Variants in STXBP5L observed in about 807,000 individuals in gnomAD.
STXBP5L encodes syntaxin-binding protein 5-like.
In STXBP5L, 65 loss-of-function variants were observed where a neutral mutation model predicts 144.5. The ratio of observed to expected loss-of-function variants is 0.45; its 90% confidence interval spans 0.37 to 0.55. The LOEUF (loss-of-function observed/expected upper bound fraction) is 0.55, where lower values mean the gene tolerates loss of function less well. Ranked by LOEUF, STXBP5L falls within the 20% of genes least tolerant of loss-of-function variation. The probability of loss-of-function intolerance (pLI) is 0.00; values close to 1 mark genes in which losing one functional copy is unlikely to be tolerated. For missense variants in STXBP5L, 1,298 were observed against 1,405.5 expected (o/e 0.92, Z 1.22); for synonymous variants, 505 against 469.6 (o/e 1.08, Z -0.97).
At chr3:121,130,208 G>A (rs1190697986) in intron 7 of STXBP5L, among the ~76,000 whole-genome samples, 1 of 152,026 alleles carries the variant, frequency 6.6e-6, no homozygotes, top group East Asian at 1.9e-4. Context: ...TAGATAAAAT[G>A]TTCTATTGGA....
At chr3:120,990,091 A>G (rs1211527176) in intron 3 of STXBP5L, among the ~76,000 whole-genome samples, 1 of 152,208 alleles carries the variant, frequency 6.6e-6, no homozygotes. Flanking sequence ...CCTTAAGCTG[A>G]TAGGCAACTT....
At chr3:121,131,063 T>C (rs921667739) in intron 7 of STXBP5L, among the ~76,000 whole-genome samples, 2 of 152,090 alleles carry the variant, frequency 1.3e-5, no homozygotes, top group African/African-American at 4.8e-5. Context: ...TTAGTTCTGA[T>C]TGTAAGCTAT....
chr3:121,352,925 A>G (rs986399165), intron 20 of STXBP5L, among the ~76,000 whole-genome samples: 11 of 152,134 alleles, frequency 7.2e-5, no homozygotes, highest in Admixed American at 3.3e-4. Flanking sequence ...CCTTTTCTGC[A>G]TCTATTGAGA....
intron 20 of STXBP5L, among the ~76,000 whole-genome samples, chr3:121,353,225 T>C (rs1426814261): frequency 6.6e-6 from 1 of 152,228 alleles, no homozygotes; most frequent in Non-Finnish European, 1.5e-5. Context: ...TCCCCTCTTT[T>C]TCTATTGATT....
intron 18 of STXBP5L, among the ~76,000 whole-genome samples, chr3:121,266,650 T>G (rs188269109): frequency 2.8e-4 from 43 of 152,190 alleles, no homozygotes; most frequent in African/African-American, 1.0e-3. Flanking sequence ...GAGAAAGAAA[T>G]AAAGGGTATT....
intron 10 of STXBP5L, among the ~76,000 whole-genome samples, chr3:121,208,241 C>T (rs995661996): frequency 6.6e-6 from 1 of 150,410 alleles, no homozygotes; most frequent in Admixed American, 6.7e-5. Flanking sequence ...GGGCAGAAAA[C>T]CAAACACCAC....
At chr3:120,950,954 G>A (rs977706416) in intron 2 of STXBP5L, among the ~76,000 whole-genome samples, 3 of 152,050 alleles carry the variant, frequency 2.0e-5, no homozygotes, top group African/African-American at 7.2e-5. Flanking sequence ...TACCAAAACA[G>A]ATATAGATCA....
intron 3 of STXBP5L, among the ~76,000 whole-genome samples, chr3:120,958,461 A>G (rs1938311729): frequency 6.6e-6 from 1 of 152,326 alleles, no homozygotes; most frequent in African/African-American, 2.4e-5. Flanking sequence ...ACAAAAAAAT[A>G]GAATTTTAGA....
intron 20 of STXBP5L, among the ~76,000 whole-genome samples, chr3:121,371,085 C>T (rs1189124469): frequency 6.6e-6 from 1 of 152,196 alleles, no homozygotes; most frequent in Non-Finnish European, 1.5e-5. Context: ...AAGACACTGG[C>T]TTTTTGAGTG....
At chr3:121,365,599 C>A (rs530232731) in intron 20 of STXBP5L, among the ~76,000 whole-genome samples, 1 of 151,572 alleles carries the variant, frequency 6.6e-6, no homozygotes, top group South Asian at 2.1e-4. Context: ...TTTTTATTTC[C>A]GTAGAATCAG....
intron 3 of STXBP5L, among the ~76,000 whole-genome samples, chr3:120,960,041 AC>A (rs1938572579): frequency 1.3e-5 from 2 of 152,164 alleles, no homozygotes; most frequent in South Asian, 4.1e-4. Context: ...TCTACAAAGA[AC>A]TCAAACAAAA....
chr3:121,160,031 C>G (rs891349100), intron 9 of STXBP5L, among the ~76,000 whole-genome samples: 1 of 152,096 alleles, frequency 6.6e-6, no homozygotes, highest in Admixed American at 6.5e-5. Flanking sequence ...TATTTCAATT[C>G]TTAGAGAAGC....
chr3:121,061,854 A>G lies in STXBP5L; in HGVS notation c.470+16319A>G, dbSNP rs536900681. On this transcript the variant is annotated intron_variant, in intron 5 of 26. Coordinates refer to ENST00000471454, the MANE Select transcript of STXBP5L (RefSeq NM_001308330.2). The stretch of plus-strand genomic sequence containing the variant: ...TCCTCCATCCCTTTATTTTGAGCCT[A>G]TGTGTGTCTTTGCACATGAGATGGG... Among the ~76,000 whole-genome samples the G allele has an allele frequency of 6.6e-4, 100 of 152,190 alleles. 1 individual carries two copies. The highest frequency in any genetic ancestry group is 2.2e-3 in the African/African-American group (93 of 41,510).
chr3:121,376,414 G>T lies in STXBP5L; in HGVS notation c.2177-2302G>T, dbSNP rs61796941. On this transcript the variant is annotated intron_variant, in intron 20 of 26. Coordinates refer to ENST00000471454, the MANE Select transcript of STXBP5L (RefSeq NM_001308330.2). ...CATCTGGAGTTAATTTTTGTATAAG[G>T]TGTAAGGAAGGGGTCCAGTTTCAGT... Among the ~76,000 whole-genome samples, 505 of 152,300 alleles carry T rather than the reference G, an allele frequency of 3.3e-3. 1 individual carries two copies. Among genetic ancestry groups the T allele is most frequent in the Non-Finnish European group, 5.0e-3 (342 of 68,012 alleles).
chr3:121,051,809 C>T (rs981346211), intron 5 of STXBP5L, among the ~76,000 whole-genome samples: 4 of 151,684 alleles, frequency 2.6e-5, no homozygotes, highest in Non-Finnish European at 5.9e-5. Flanking sequence ...GCTGGTTTTT[C>T]AAAAAGATCA....
chr3:121,024,002 C>G (rs1328973699), intron 3 of STXBP5L, among the ~76,000 whole-genome samples: 1 of 152,090 alleles, frequency 6.6e-6, no homozygotes, highest in Non-Finnish European at 1.5e-5. Flanking sequence ...TTGTGATACG[C>G]CCGCCTTGGC....
intron 3 of STXBP5L, among the ~76,000 whole-genome samples, chr3:120,958,886 T>A (rs1376075792): frequency 6.6e-6 from 1 of 152,188 alleles, no homozygotes; most frequent in Non-Finnish European, 1.5e-5. Flanking sequence ...TTCAACATAG[T>A]GTTGGAAGTT....
At chr3:121,353,881 TTC>T (rs2045400777) in intron 20 of STXBP5L, among the ~76,000 whole-genome samples, 1 of 152,082 alleles carries the variant, frequency 6.6e-6, no homozygotes, top group Non-Finnish European at 1.5e-5. Context: ...TGGTACATTG[TTC>T]TTTGTTCTCA....
intron 3 of STXBP5L, among the ~76,000 whole-genome samples, chr3:120,995,729 C>G (rs1576607034): frequency 6.6e-6 from 1 of 151,996 alleles, no homozygotes; most frequent in South Asian, 2.1e-4. Context: ...TTTTTACATA[C>G]ATTGAGCGCC....
Sources: gnomAD v4.1 joint callset for allele counts (sites outside exome capture counted in the v4.1 genomes callset) on GRCh38, gnomAD v4.1.1 for gene constraint, MANE v1.5 for transcripts, NCBI Gene and HGNC (gene_info 2026-07-23, HGNC 2026-07-21) for gene names.